SIM2: variants seen among roughly 807,000 people sequenced by gnomAD.
SIM2 encodes SIM bHLH transcription factor 2, also known as single-minded homolog 2.
In SIM2, 28 loss-of-function variants were observed where a neutral mutation model predicts 64.8. The ratio of observed to expected loss-of-function variants is 0.43; its 90% CI spans 0.32 to 0.59. SIM2 has a LOEUF of 0.59. Ranked by LOEUF, SIM2 falls within the 20% of genes least tolerant of loss-of-function variation. SIM2 has a pLI of 0.07. For missense variants in SIM2, 847 were observed against 871.4 expected (o/e 0.97, Z 0.35); for synonymous variants, 408 against 391.1 (o/e 1.04, Z -0.51).
intron 6 of SIM2, among the ~76,000 whole-genome samples, chr21:36,727,434 C>T (rs1489599983): frequency 6.6e-6 from 1 of 152,164 alleles, no homozygotes; most frequent in African/African-American, 2.4e-5. Flanking sequence ...TGACACATGT[C>T]CACTCTGTGG....
chr21:36,704,931 C>G (rs2088558252), intron 1 of SIM2, among the ~76,000 whole-genome samples: 1 of 152,200 alleles, frequency 6.6e-6, no homozygotes. Flanking sequence ...GGCTCCGACG[C>G]GGGAGAAGGA....
At chr21:36,719,253 G>A (rs912096711) in intron 3 of SIM2, among the ~76,000 whole-genome samples, 6 of 152,276 alleles carry the variant, frequency 3.9e-5, no homozygotes, top group African/African-American at 1.2e-4. Flanking sequence ...GCCTGGCAGC[G>A]CCTGAGGGGC....
rs1294693450 is a variant in SIM2, at chr21:36,749,906, T to C, written c.*1814T>C. ...ACTGTTGAGAAAAAAGACCCTATCA[T>C]AGATTTACAAGTGACAACGTGGACA... On this transcript the variant is annotated 3_prime_UTR_variant, in exon 11 of 11. Coordinates refer to ENST00000290399, the MANE Select transcript of SIM2 (RefSeq NM_005069.6). 6.6e-6 allele frequency: 1 copy of C among 152,202 alleles called. No individual in the cohort carries two copies. The highest frequency in any genetic ancestry group is 1.5e-5 in the Non-Finnish European group (1 of 68,032). 9.4% of individuals were successfully genotyped at this position (152,202 alleles called of 1,614,324 possible).
At chr21:36,724,608 C>G (rs1330903372) in intron 5 of SIM2, among the ~76,000 whole-genome samples, 1 of 152,120 alleles carries the variant, frequency 6.6e-6, no homozygotes, top group African/African-American at 2.4e-5. Flanking sequence ...TTTTTTGCCA[C>G]TTATTAACTG....
At chr21:36,704,466 A>G (rs567171201) in intron 1 of SIM2, among the ~76,000 whole-genome samples, 1 of 152,366 alleles carries the variant, frequency 6.6e-6, no homozygotes, top group South Asian at 2.1e-4. Context: ...GAAAGCCCGC[A>G]GGCGCAGAGG....
chr21:36,736,406 G>A (rs9981697), intron 7 of SIM2, among the ~76,000 whole-genome samples: 52,564 of 152,078 alleles, frequency 0.35, 9,820 homozygotes, highest in Middle Eastern at 0.44. Flanking sequence ...GTCCGGGAGG[G>A]CCAGACAGCC....
Position 36,741,583 on chromosome 21 carries a change from C to A in SIM2, c.851-134C>A. 4.2e-6 allele frequency: 4 copies of A among 945,090 alleles called. No homozygotes were observed. The South Asian group carries it at 4.5e-5, about 11-fold the overall frequency. The allele number at this position is 945,090 out of a possible 1,614,324, so 58.5% of individuals were successfully genotyped here. On this transcript the variant is annotated intron_variant, in intron 7 of 10. Transcript: ENST00000290399. The stretch of plus-strand genomic sequence containing the variant: ...CACGAGACGCACACAGACATGCACC[C>A]TCCAGCGGAGAAAGCCCGCCCCCTT...
At chr21:36,717,178 T>A (rs1243779274) in intron 3 of SIM2, among the ~76,000 whole-genome samples, 2 of 152,146 alleles carry the variant, frequency 1.3e-5, no homozygotes, top group African/African-American at 4.8e-5. Context: ...CATAAGAACC[T>A]ACTCTGGGAT....
chr21:36,747,795 G>A lies in SIM2; in HGVS notation c.1707G>A (p.Ala569=). The A allele has an allele frequency of 1.9e-6, 2 of 1,051,902 alleles. No homozygotes were observed. Among genetic ancestry groups the A allele is most frequent in the Non-Finnish European group, 2.3e-6 (2 of 876,168 alleles). The allele number at this position is 1,051,902 out of a possible 1,614,324, so 65.2% of individuals were successfully genotyped here. A position where few individuals can be genotyped will look rare whatever the true frequency, so the allele number is the denominator to read the frequency against. The change falls in exon 11 of 11, where the codon GCG becomes GCA. Residue 569 remains alanine (A), a synonymous_variant. Coordinates refer to ENST00000290399, the MANE Select transcript of SIM2 (RefSeq NM_005069.6). This position sits in a 1 kb window ranked among gnomAD's most constrained non-coding sequence, Gnocchi z 4.5. ...KAARQAARDG[A]RLALARAAPE... ...CCCGCCAGGCCGCCCGGGACGGGGCGCGGCTGGCGCTGGCCCGCGCGGCAC... is the reference window on the plus strand; with the variant it reads ...CCCGCCAGGCCGCCCGGGACGGGGCACGGCTGGCGCTGGCCCGCGCGGCAC...
intron 3 of SIM2, 74 bp downstream of exon 3, chr21:36,712,696 A>G: frequency 1.0e-6 from 1 of 978,316 alleles, no homozygotes; most frequent in Non-Finnish European, 1.6e-6. Flanking sequence ...GCCTCACCCA[A>G]CTTGAAAATG....
Position 36,747,752 on chromosome 21 carries a change from TG to T in SIM2, c.1667del (p.Gly556AlafsTer150). 1 of 1,193,070 alleles carries T rather than the reference TG, an allele frequency of 8.4e-7. No individual in the cohort carries two copies. Among genetic ancestry groups the T allele is most frequent in the Non-Finnish European group, 1.0e-6 (1 of 964,462 alleles). 73.9% of individuals were successfully genotyped at this position (1,193,070 alleles called of 1,614,324 possible). On this transcript the variant is annotated frameshift_variant, in exon 11 of 11. Transcript: ENST00000290399. LOFTEE classifies it low-confidence loss of function (END_TRUNC). The surrounding 1 kb of genome is among the most constrained non-coding windows in gnomAD (Gnocchi z 4.5). Reference protein sequence around the residue: ...SCGHYREEPALGPAKAARQAA... With the variant: ...SCGHYREEPAXGPAKAARQAA... ...GGCCACTACCGCGAGGAGCCCGCGC[TG>T]GGCCCGGCCAAAGCCGCCCGCCAGG...
intron 3 of SIM2, among the ~76,000 whole-genome samples, chr21:36,717,068 T>G (rs1300434050): frequency 6.6e-6 from 1 of 152,222 alleles, no homozygotes; most frequent in Non-Finnish European, 1.5e-5. Context: ...CCGTTCGTTT[T>G]GTCACAGACT....
chr21:36,731,857 ACTTTT>A (rs1568935895), intron 7 of SIM2, among the ~76,000 whole-genome samples: 3 of 152,176 alleles, frequency 2.0e-5, no homozygotes, highest in Non-Finnish European at 4.4e-5. Flanking sequence ...AAGAAGTGAC[ACTTTT>A]CTTTTACTTT....
At position 36,747,404 on chromosome 21, in the gene SIM2, T is replaced by C. The variant is rs767362717; in HGVS notation, c.1577-261T>C. 9.2e-5 allele frequency among the ~76,000 whole-genome samples: 14 copies of C among 152,098 alleles called. No individual in the cohort carries two copies. Among genetic ancestry groups the C allele is most frequent in the Non-Finnish European group, 1.6e-4 (11 of 68,004 alleles). ...TCACACGGATTCCATTGAGAGAGTA[T>C]TTTGGATATGCTGCATTAACGTGTA... On this transcript the variant is annotated intron_variant, in intron 10 of 10. Transcript: ENST00000290399. The surrounding 1 kb of genome is among the most constrained non-coding windows in gnomAD (Gnocchi z 4.5).
intron 7 of SIM2, among the ~76,000 whole-genome samples, chr21:36,740,879 C>T (rs1202604279): frequency 6.6e-6 from 1 of 152,208 alleles, no homozygotes; most frequent in Non-Finnish European, 1.5e-5. Flanking sequence ...GCTGAGGACC[C>T]AGACATCCAA....
chr21:36,721,246 C>T (rs2088818893), intron 4 of SIM2, among the ~76,000 whole-genome samples: 1 of 152,098 alleles, frequency 6.6e-6, no homozygotes, highest in Non-Finnish European at 1.5e-5. Flanking sequence ...TATGATATGT[C>T]TGCAGACATC....
chr21:36,733,291 C>T (rs1261065819), intron 7 of SIM2, among the ~76,000 whole-genome samples: 1 of 152,052 alleles, frequency 6.6e-6, no homozygotes, highest in Non-Finnish European at 1.5e-5. Context: ...GTGGCATGAT[C>T]TCAGCTCACT....
rs763390142 is a variant in SIM2, at chr21:36,745,705, A to C, written c.1576+569A>C. 44 of 1,248,026 alleles carry C rather than the reference A, an allele frequency of 3.5e-5. No homozygotes were observed. Among genetic ancestry groups the C allele is most frequent in the Non-Finnish European group, 4.5e-5 (43 of 950,536 alleles). 77.3% of individuals were successfully genotyped at this position (1,248,026 alleles called of 1,614,324 possible). A position where few individuals can be genotyped will look rare whatever the true frequency, so the allele number is the denominator to read the frequency against. Reference sequence around the variant, plus strand: ...AATGGGGTGAAGCTGTGATGTGCCTACTCCCAAGGACACGACACACAGTAG... The same window carrying C: ...AATGGGGTGAAGCTGTGATGTGCCTCCTCCCAAGGACACGACACACAGTAG... On this transcript the variant is annotated intron_variant, in intron 10 of 10. Transcript: ENST00000290399. This position sits in a 1 kb window ranked among gnomAD's most constrained non-coding sequence, Gnocchi z 4.8.
chr21:36,723,727 ACT>A, intron 5 of SIM2, among the ~76,000 whole-genome samples: 1 of 152,026 alleles, frequency 6.6e-6, no homozygotes, highest in East Asian at 1.9e-4. Flanking sequence ...CGGAGCTGGG[ACT>A]CTGAGCCCAG....
Sources: gnomAD v4.1 joint callset for allele counts (sites outside exome capture counted in the v4.1 genomes callset) on GRCh38, gnomAD v4.1.1 for gene constraint, Gnocchi (gnomAD v3.1) non-coding constraint, MANE v1.5 for transcripts, NCBI Gene and HGNC (gene_info 2026-07-23, HGNC 2026-07-21) for gene names.